The following TENM3 variants were observed in gnomAD, a reference collection of about 807,000 sequenced individuals.
TENM3 encodes teneurin transmembrane protein 3, also known as teneurin-3.
In TENM3, 63 loss-of-function variants were observed where a neutral mutation model predicts 255.1. The observed-to-expected ratio is 0.25, with a 90% confidence interval of 0.20 to 0.30. The LOEUF (loss-of-function observed/expected upper bound fraction) is 0.30, where lower values mean the gene tolerates loss of function less well. Among genes scored for constraint, TENM3 ranks in the 10% least tolerant of loss-of-function variants. The pLI, the probability that TENM3 is intolerant of heterozygous loss-of-function variation, is 1.00. For synonymous variants in TENM3, 1,306 were observed against 1,322.3 expected (o/e 0.99, Z 0.27); for missense variants, 2,929 against 3,461.1 (o/e 0.85, Z 3.86).
intron 1 of TENM3, among the ~76,000 whole-genome samples, chr4:182,276,062 C>T (rs1048169888): frequency 2.0e-5 from 3 of 152,192 alleles, no homozygotes; most frequent in African/African-American, 7.2e-5. Context: ...TGAATTTGCA[C>T]TGAGACCTGA....
At chr4:181,726,910 C>T in the TENM3 span, among the ~76,000 whole-genome samples, 1 of 152,192 alleles carries the variant, frequency 6.6e-6, no homozygotes, top group Non-Finnish European at 1.5e-5. Context: ...TAGAGCAGCT[C>T]ACAGCACTCA....
the TENM3 span, among the ~76,000 whole-genome samples, chr4:181,540,244 A>G: frequency 6.6e-6 from 1 of 152,218 alleles, no homozygotes; most frequent in Non-Finnish European, 1.5e-5. Flanking sequence ...AGTAAAATAA[A>G]GAACTGTTGG....
intron 1 of TENM3, among the ~76,000 whole-genome samples, chr4:182,258,662 G>A (rs1037930426): frequency 3.9e-5 from 6 of 152,168 alleles, no homozygotes; most frequent in Non-Finnish European, 8.8e-5. Context: ...TTACTTGTAT[G>A]TGCTATAGCC....
the TENM3 span, among the ~76,000 whole-genome samples, chr4:181,609,119 G>A: frequency 1.3e-5 from 2 of 152,188 alleles, no homozygotes; most frequent in Non-Finnish European, 2.9e-5. Context: ...AAGGAGTAGG[G>A]TAGGGAGTAA....
intron 1 of TENM3, among the ~76,000 whole-genome samples, chr4:182,210,999 G>A (rs114839881): frequency 0.03 from 4,506 of 152,244 alleles, 237 homozygotes; most frequent in African/African-American, 0.1. Context: ...GGAGTGATGT[G>A]TGGACTGGAC....
the TENM3 span, among the ~76,000 whole-genome samples, chr4:181,507,098 G>T: frequency 6.6e-6 from 1 of 152,098 alleles, no homozygotes; most frequent in Non-Finnish European, 1.5e-5. Flanking sequence ...TTTGGTATCC[G>T]TACCTGATCT....
At chr4:181,781,480 C>T in the TENM3 span, among the ~76,000 whole-genome samples, 2 of 152,176 alleles carry the variant, frequency 1.3e-5, no homozygotes, top group African/African-American at 4.8e-5. Context: ...TATCCTGAGA[C>T]TTTGCTGAAG....
At chr4:182,608,003 C>G (rs967972627) in intron 4 of TENM3, among the ~76,000 whole-genome samples, 1 of 152,188 alleles carries the variant, frequency 6.6e-6, no homozygotes, top group Non-Finnish European at 1.5e-5. Context: ...TTATCTTCAT[C>G]TGAAAATGAC....
chr4:181,843,987 G>T, the TENM3 span, among the ~76,000 whole-genome samples: 19 of 152,128 alleles, frequency 1.2e-4, no homozygotes, highest in African/African-American at 4.3e-4. Flanking sequence ...CAAAGTGCTG[G>T]GATTACAGAC....
At chr4:182,339,437 T>C (rs2150605746) in intron 2 of TENM3, among the ~76,000 whole-genome samples, 1 of 152,350 alleles carries the variant, frequency 6.6e-6, no homozygotes, top group African/African-American at 2.4e-5. Context: ...TTAGCTCCCC[T>C]GCCTAACTGA....
intron 22 of TENM3, among the ~76,000 whole-genome samples, chr4:182,770,539 G>C (rs1764115866): frequency 6.6e-6 from 1 of 152,184 alleles, no homozygotes; most frequent in East Asian, 1.9e-4. Flanking sequence ...GCAACATTCA[G>C]TTGAGCCACA....
At chr4:181,937,988 A>C in the TENM3 span, among the ~76,000 whole-genome samples, 1 of 152,134 alleles carries the variant, frequency 6.6e-6, no homozygotes, top group African/African-American at 2.4e-5. Flanking sequence ...CTATATCACC[A>C]AGCCACTGAG....
chr4:181,495,665 T>C, the TENM3 span, among the ~76,000 whole-genome samples: 1 of 152,150 alleles, frequency 6.6e-6, no homozygotes, highest in South Asian at 2.1e-4. Context: ...TGAATAAAAA[T>C]AAAATTATAG....
chr4:182,774,957 C>G lies in TENM3; in HGVS notation c.5108C>G (p.Ser1703Cys). 2 of 1,613,778 alleles carry G rather than the reference C, an allele frequency of 1.2e-6. No homozygotes were observed. Among genetic ancestry groups the G allele is most frequent in the Non-Finnish European group, 1.7e-6 (2 of 1,179,778 alleles). The change falls in exon 24 of 28, where the codon TCC becomes TGC. Residue 1703 changes from serine (S) to cysteine (C), a missense_variant. Physicochemically the swap from Ser to Cys is moderately radical, Grantham distance 112. Transcript: ENST00000511685. ...RNSYQIGYDGSLRIIYASGLD... is the reference protein window; with the variant it reads ...RNSYQIGYDGCLRIIYASGLD... ...AGCTACCAGATTGGTTATGACGGCT[C>G]CCTCAGAATTATCTACGCCAGTGGC...
At chr4:181,890,441 C>G in the TENM3 span, among the ~76,000 whole-genome samples, 2 of 151,940 alleles carry the variant, frequency 1.3e-5, no homozygotes, top group African/African-American at 4.8e-5. Flanking sequence ...AAAAAGACTA[C>G]TAAAATACAA....
chr4:181,749,207 G>A, the TENM3 span, among the ~76,000 whole-genome samples: 1 of 152,058 alleles, frequency 6.6e-6, no homozygotes, highest in South Asian at 2.1e-4. Context: ...AATTTTAAAA[G>A]AGGTCCTTTT....
intron 21 of TENM3, 51 bp downstream of exon 21, chr4:182,753,655 T>A: frequency 6.4e-7 from 1 of 1,568,262 alleles, no homozygotes; most frequent in Non-Finnish European, 8.7e-7. Flanking sequence ...GTGACTTGAC[T>A]TATTCAGTCG....
chr4:182,224,800 G>A (rs1756044827), intron 1 of TENM3, among the ~76,000 whole-genome samples: 1 of 150,408 alleles, frequency 6.6e-6, no homozygotes, highest in South Asian at 2.1e-4. Flanking sequence ...GCAGTGGCAC[G>A]ATTTCGGCTC....
At chr4:182,715,755 A>T (rs1258324083) in intron 13 of TENM3, among the ~76,000 whole-genome samples, 1 of 152,054 alleles carries the variant, frequency 6.6e-6, no homozygotes, top group Admixed American at 6.6e-5. Flanking sequence ...AAACACACAC[A>T]CTCACACACA....
Sources: gnomAD v4.1 joint callset for allele counts (sites outside exome capture counted in the v4.1 genomes callset) on GRCh38, gnomAD v4.1.1 for gene constraint, MANE v1.5 for transcripts, NCBI Gene and HGNC (gene_info 2026-07-23, HGNC 2026-07-21) for gene names.